The following CSKMT variants were observed in gnomAD, a reference collection of about 807,000 sequenced individuals.
CSKMT encodes citrate synthase lysine methyltransferase.
CSKMT carries 6 observed loss-of-function variants against 4.6 expected under a neutral mutation model. The observed-to-expected ratio is 1.31, with a 90% CI of 0.72 to 2.59. The LOEUF is 2.59. Among genes scored for constraint, CSKMT ranks in the 30% most tolerant of loss-of-function variants. CSKMT has a pLI of 0.00. For missense variants in CSKMT, 328 were observed against 298.0 expected (o/e 1.10, Z -0.74); for synonymous variants, 142 against 128.9 (o/e 1.10, Z -0.69).
Position 62,666,641 on chromosome 11 carries a change from G to A in CSKMT, c.313G>A (p.Gly105Arg). The A allele has an allele frequency of 2.5e-6, 4 of 1,614,154 alleles. No homozygotes were observed. Among genetic ancestry groups the A allele is most frequent in the Non-Finnish European group, 3.4e-6 (4 of 1,180,032 alleles). The change falls in exon 3 of 3, where the codon GGG becomes AGG. Residue 105 changes from glycine (G) to arginine (R), a missense_variant. Transcript: ENST00000532971. ...ATCTCCACACCCAGTGGATGTGCTGGGGGTGGACTTTTCTCCTGTGGCTGT... is the reference window on the plus strand; with the variant it reads ...ATCTCCACACCCAGTGGATGTGCTGAGGGTGGACTTTTCTCCTGTGGCTGT... ...TKSPHPVDVL[G>R]VDFSPVAVAH...
chr11:62,666,832 T>G lies in CSKMT; in HGVS notation c.504T>G (p.Ala168=). 6.2e-7 allele frequency: 1 copy of G among 1,614,230 alleles called. No individual in the cohort carries two copies. The highest frequency in any genetic ancestry group is 8.5e-7 in the Non-Finnish European group (1 of 1,180,044). ...TGCTGGACAAAGGCACATGGGATGC[T>G]GTTGCCCGGGGAGGTCTGCCTAGGG... The part of the protein sequence containing the change: ...QLLLDKGTWD[A]VARGGLPRAY... The change falls in exon 3 of 3, where the codon GCT becomes GCG. Residue 168 remains alanine, a synonymous_variant. Transcript: ENST00000532971.
At chr11:62,666,021 T>A (rs1444300459) in intron 2 of CSKMT, 75 bp downstream of exon 2, 1 of 1,489,836 alleles carries the variant, frequency 6.7e-7, no homozygotes, top group African/African-American at 1.4e-5. Context: ...TCCTCGTGAG[T>A]CAGGAGTGTA....
chr11:62,665,417 A>G (rs1165631518), intron 1 of CSKMT, 85 bp downstream of exon 1: 8 of 1,483,598 alleles, frequency 5.4e-6, no homozygotes, highest in Non-Finnish European at 7.3e-6. Flanking sequence ...GCGGGGTCTC[A>G]GGACCCTCCT....
chr11:62,666,824 T>C lies in CSKMT; in HGVS notation c.496T>C (p.Trp166Arg), dbSNP rs550893088. The C allele has an allele frequency of 8.7e-6, 14 of 1,614,178 alleles. No individual in the cohort carries two copies. The South Asian group carries it at 1.4e-4, about 16-fold the overall frequency. The change falls in exon 3 of 3, where the codon TGG (tryptophan) becomes CGG (arginine). Residue 166 changes from tryptophan (W) to arginine (R), a missense_variant. Coordinates refer to ENST00000532971, the MANE Select transcript of CSKMT (RefSeq NM_001043229.2). ...SFQLLLDKGT[W>R]DAVARGGLPR... ...CCAACTACTGCTGGACAAAGGCACA[T>C]GGGATGCTGTTGCCCGGGGAGGTCT...
At chr11:62,665,408 C>G (rs747264031) in intron 1 of CSKMT, 76 bp downstream of exon 1, 1 of 1,389,210 alleles carries the variant, frequency 7.2e-7, no homozygotes, top group Admixed American at 1.9e-5. Context: ...AGGCTCTGGG[C>G]GGGGTCTCAG....
In CSKMT at chr11:62,665,734, C is replaced by T; in HGVS notation, c.-146C>T. 2 of 1,467,034 alleles carry T rather than the reference C, an allele frequency of 1.4e-6. No individual in the cohort carries two copies. Among genetic ancestry groups the T allele is most frequent in the East Asian group, 2.5e-5 (1 of 40,638 alleles). 90.9% of individuals were successfully genotyped at this position (1,467,034 alleles called of 1,614,324 possible). A position where few individuals can be genotyped will look rare whatever the true frequency, so the allele number is the denominator to read the frequency against. ...ATAGTCTGTGTCCGCGTTCTTTTTT[C>T]CGGGACTGCAGAGTTCGGGGAAGCT... On this transcript the variant is annotated 5_prime_UTR_variant, in exon 2 of 3. Transcript: ENST00000532971.
Position 62,666,949 on chromosome 11 carries a change from C to A in CSKMT, c.621C>A (p.Pro207=). ...ATGAGGACCCTGATGTGCGACTGCC[C>A]TGCCTGGAACAAGGGTCCTATGGCT... ...FSDEDPDVRL[P]CLEQGSYGWT... is the part of the protein sequence containing the mutation. The change falls in exon 3 of 3, where the codon CCC becomes CCA. Residue 207 remains proline (P), a synonymous_variant. Coordinates refer to ENST00000532971, the MANE Select transcript of CSKMT (RefSeq NM_001043229.2). The A allele has an allele frequency of 6.2e-7, 1 of 1,614,188 alleles. No individual in the cohort carries two copies. The highest frequency in any genetic ancestry group is 8.5e-7 in the Non-Finnish European group (1 of 1,180,040).
chr11:62,667,254 A>G lies in CSKMT; in HGVS notation c.*203A>G, dbSNP rs184318382. ...AATAACTTGGAGTTACGGAGATTAC[A>G]TACAATGATGTGCGCAATATTTAGC... On this transcript the variant is annotated 3_prime_UTR_variant, in exon 3 of 3. Transcript: ENST00000532971. The G allele has an allele frequency of 2.2e-5, 14 of 645,662 alleles. No individual in the cohort carries two copies. In the East Asian group the frequency reaches 2.7e-4, roughly 13 times the overall value. The allele number at this position is 645,662 out of a possible 1,614,324, so 40.0% of individuals were successfully genotyped here.
chr11:62,665,873 T>A lies in CSKMT; in HGVS notation c.-7T>A. 1.9e-6 allele frequency: 3 copies of A among 1,612,766 alleles called. No individual in the cohort carries two copies. Among genetic ancestry groups the A allele is most frequent in the South Asian group, 1.1e-5 (1 of 91,012 alleles). Reference sequence around the variant, plus strand: ...GCTTCTCTGGTCGAACTTACCCGAATCTCCAGATGGCCGCGCTGCGTCGAA... The same window carrying A: ...GCTTCTCTGGTCGAACTTACCCGAAACTCCAGATGGCCGCGCTGCGTCGAA... On this transcript the variant is annotated 5_prime_UTR_variant, in exon 2 of 3. Transcript: ENST00000532971.
chr11:62,666,795 C>T lies in CSKMT; in HGVS notation c.467C>T (p.Ser156Phe). The T allele has an allele frequency of 3.7e-6, 6 of 1,614,120 alleles. No homozygotes were observed. Among genetic ancestry groups the T allele is most frequent in the Non-Finnish European group, 5.1e-6 (6 of 1,179,966 alleles). Residue 156 changes from serine (S) to phenylalanine (F), a missense_variant, in exon 3 of 3, where the codon TCT becomes TTT. Physicochemically the swap from Ser to Phe is radical, Grantham distance 155 (BLOSUM62 -2). Coordinates refer to ENST00000532971, the MANE Select transcript of CSKMT (RefSeq NM_001043229.2). ...CTGGGGGCTGTGGCTTCTTCAGGCT[C>T]TTTCCAACTACTGCTGGACAAAGGC... ...QNLGAVASSG[S>F]FQLLLDKGTW...
Position 62,666,557 on chromosome 11 carries a change from C to G in CSKMT, c.229C>G (p.Leu77Val), listed in dbSNP as rs1370043836. The change falls in exon 3 of 3, where the codon CTG (leucine) becomes GTG (valine). Residue 77 changes from leucine (L) to valine (V), a missense_variant. Transcript: ENST00000532971. ...GCAGGAGGCACAGGCTGCCAGTCCT[C>G]TGCGAGTGCTGGATGTGGGCTGTGG... ...LLQEAQAASP[L>V]RVLDVGCGTS... 20 of 1,614,176 alleles carry G rather than the reference C, an allele frequency of 1.2e-5. No homozygotes were observed. Among genetic ancestry groups the G allele is most frequent in the Non-Finnish European group, 1.7e-5 (20 of 1,180,038 alleles).
In CSKMT at chr11:62,665,962, CAG is replaced by C; in HGVS notation, c.67+19_67+20del. 6.3e-7 allele frequency: 1 copy of C among 1,599,772 alleles called. No homozygotes were observed. The highest frequency in any genetic ancestry group is 8.5e-7 in the Non-Finnish European group (1 of 1,173,898). On this transcript the variant is annotated intron_variant, in intron 2 of 2. Coordinates refer to ENST00000532971, the MANE Select transcript of CSKMT (RefSeq NM_001043229.2). ...CCCTTTGCGGGTAGGGAGGTGGGGG[CAG>C]AGTGGAGAGGGCAAGGTGGGGGCAG... is the stretch of plus-strand genomic sequence containing the variant.
rs202170779 is a variant in CSKMT at position 62,666,496 on chromosome 11, A to C, written c.168A>C (p.Gly56=). ...TCCCCACCTTCGACTGGTTCTTTGG[A>C]TACGACGAAGTCCAGGGGCTCCTAC... ...GTVPTFDWFF[G]YDEVQGLLLP... The change falls in exon 3 of 3, where the codon GGA becomes GGC. Residue 56 remains glycine, a synonymous_variant. Transcript: ENST00000532971. 5.0e-6 allele frequency: 8 copies of C among 1,614,002 alleles called. No individual in the cohort carries two copies. The highest frequency in any genetic ancestry group is 6.8e-6 in the Non-Finnish European group (8 of 1,180,008).
At chr11:62,666,259 A>T (rs777589565) in intron 2 of CSKMT, 137 bp from the exon 3 acceptor site, 1 of 891,872 alleles carries the variant, frequency 1.1e-6, no homozygotes, top group South Asian at 1.4e-5. Flanking sequence ...TCAGTGAGCC[A>T]TCATTGTGCT....
intron 1 of CSKMT, 137 bp from the exon 2 acceptor site, chr11:62,665,510 C>T: frequency 6.4e-7 from 1 of 1,572,870 alleles, no homozygotes; most frequent in Non-Finnish European, 8.6e-7. Flanking sequence ...CCCTCGGCGT[C>T]ATGTCTTCGG....
Position 62,665,874 on chromosome 11 carries a change from C to T in CSKMT, c.-6C>T. 1 of 1,613,076 alleles carries T rather than the reference C, an allele frequency of 6.2e-7. No individual in the cohort carries two copies. The highest frequency in any genetic ancestry group is 8.5e-7 in the Non-Finnish European group (1 of 1,179,420). On this transcript the variant is annotated 5_prime_UTR_variant, in exon 2 of 3. Transcript: ENST00000532971. ...CTTCTCTGGTCGAACTTACCCGAAT[C>T]TCCAGATGGCCGCGCTGCGTCGAAT...
chr11:62,667,400 A>G lies in CSKMT; in HGVS notation c.*349A>G. 2.1e-6 allele frequency: 2 copies of G among 975,298 alleles called. No homozygotes were observed. The highest frequency in any genetic ancestry group is 3.2e-6 in the Non-Finnish European group (2 of 626,698). 60.4% of individuals were successfully genotyped at this position (975,298 alleles called of 1,614,324 possible). On this transcript the variant is annotated 3_prime_UTR_variant, in exon 3 of 3. Transcript: ENST00000532971. ...AACCCCTGCGCTGACTGACTTGTAT[A>G]ATCTAGTGGCCTAACCTGTAAGCCT...
intron 1 of CSKMT, 128 bp from the exon 2 acceptor site, chr11:62,665,519 G>T (rs1236602968): frequency 1.3e-6 from 2 of 1,569,958 alleles, no homozygotes; most frequent in African/African-American, 2.7e-5. Flanking sequence ...TCATGTCTTC[G>T]GTGCTGGCGG....
intron 2 of CSKMT, 25 bp downstream of exon 2, chr11:62,665,971 G>T: frequency 6.3e-7 from 1 of 1,598,256 alleles, no homozygotes. Flanking sequence ...GCAGAGTGGA[G>T]AGGGCAAGGT....
Sources: gnomAD v4.1 joint callset for allele counts on GRCh38, gnomAD v4.1.1 for gene constraint, MANE v1.5 for transcripts, NCBI Gene and HGNC (gene_info 2026-07-23, HGNC 2026-07-21) for gene names.